Variants in PPARD observed in about 807,000 individuals in gnomAD.
The protein encoded by PPARD is peroxisome proliferator activated receptor delta.
In PPARD, 6 loss-of-function variants were observed where a neutral mutation model predicts 39.5. The ratio of observed to expected loss-of-function variants is 0.15; its 90% CI spans 0.08 to 0.30. PPARD has a LOEUF of 0.30. PPARD is among the 10% of genes least tolerant of loss of function. PPARD has a pLI of 1.00. For missense variants in PPARD, 397 were observed against 596.8 expected (o/e 0.67, Z 3.49); for synonymous variants, 210 against 231.3 (o/e 0.91, Z 0.83).
intron 2 of PPARD, among the ~76,000 whole-genome samples, chr6:35,394,365 C>G (rs1764189661): frequency 6.6e-6 from 1 of 152,230 alleles, no homozygotes; most frequent in Non-Finnish European, 1.5e-5. Context: ...TCTTCTTCAG[C>G]TTTTTCTACT....
intron 2 of PPARD, chr6:35,348,407 C>T (rs1315825407): frequency 8.1e-6 from 8 of 985,240 alleles, no homozygotes; most frequent in Non-Finnish European, 9.6e-6. Context: ...CTCTGGGTTC[C>T]CATTGCTGTT....
chr6:35,397,310 C>A (rs1361503179), intron 2 of PPARD, among the ~76,000 whole-genome samples: 2 of 152,000 alleles, frequency 1.3e-5, no homozygotes, highest in African/African-American at 2.4e-5. Context: ...CCAGTGCTGC[C>A]TCCCCATGGG....
chr6:35,413,630 C>A (rs1285951141), intron 3 of PPARD, among the ~76,000 whole-genome samples: 1 of 151,908 alleles, frequency 6.6e-6, no homozygotes, highest in Non-Finnish European at 1.5e-5. Context: ...ACTTGGTCCT[C>A]CCACCACCAG....
chr6:35,382,894 T>C (rs1435904845), intron 2 of PPARD, among the ~76,000 whole-genome samples: 1 of 152,216 alleles, frequency 6.6e-6, no homozygotes, highest in African/African-American at 2.4e-5. Context: ...TATGTGTTGT[T>C]GTTATTATCA....
intron 3 of PPARD, among the ~76,000 whole-genome samples, chr6:35,416,894 T>C (rs891382994): frequency 6.6e-6 from 1 of 152,186 alleles, no homozygotes; most frequent in African/African-American, 2.4e-5. Flanking sequence ...TTTTTTTCTA[T>C]TTTATTTTTT....
intron 2 of PPARD, among the ~76,000 whole-genome samples, chr6:35,379,527 C>T (rs182604405): frequency 3.7e-4 from 56 of 152,294 alleles, no homozygotes; most frequent in Middle Eastern, 3.4e-3. Context: ...GCTGAAGATA[C>T]GGAAATAGTA....
chr6:35,379,085 G>A (rs921691345), intron 2 of PPARD, among the ~76,000 whole-genome samples: 13 of 150,638 alleles, frequency 8.6e-5, no homozygotes, highest in Non-Finnish European at 1.9e-4. Context: ...TGGAGTAGGC[G>A]TCTTTTCTTT....
At chr6:35,403,565 C>T (rs956882327) in intron 2 of PPARD, among the ~76,000 whole-genome samples, 3 of 152,126 alleles carry the variant, frequency 2.0e-5, no homozygotes, top group Non-Finnish European at 4.4e-5. Flanking sequence ...ATCCAGCAAA[C>T]GTATGTTGAG....
intron 1 of PPARD, among the ~76,000 whole-genome samples, chr6:35,342,972 T>C (rs11571504): frequency 6.6e-6 from 1 of 151,744 alleles, no homozygotes; most frequent in Non-Finnish European, 1.5e-5. Context: ...ACCCTACTCT[T>C]TGCCCCCTCT....
intron 2 of PPARD, among the ~76,000 whole-genome samples, chr6:35,352,001 T>C (rs529604932): frequency 6.7e-6 from 1 of 149,942 alleles, no homozygotes; most frequent in South Asian, 2.1e-4. Flanking sequence ...CCCAAGTAGC[T>C]AAGACTACAT....
intron 2 of PPARD, among the ~76,000 whole-genome samples, chr6:35,377,852 T>G (rs1762901370): frequency 6.6e-6 from 1 of 150,460 alleles, no homozygotes; most frequent in African/African-American, 2.5e-5. Context: ...ACTCTGTGGG[T>G]CGCTGCTTGT....
intron 3 of PPARD, 81 bp from the exon 4 acceptor site, chr6:35,420,046 C>G: frequency 6.6e-7 from 1 of 1,513,582 alleles, no homozygotes; most frequent in Non-Finnish European, 8.9e-7. Flanking sequence ...GTGGCTGAGG[C>G]GAGGGCTGTG....
At chr6:35,385,029 A>G (rs1292758691) in intron 2 of PPARD, among the ~76,000 whole-genome samples, 128 of 117,328 alleles carry the variant, frequency 1.1e-3, no homozygotes, top group Middle Eastern at 4.7e-3. Flanking sequence ...TCAGCCCCCC[A>G]CCCGGCCAGC....
At chr6:35,418,496 C>T (rs1468425583) in intron 3 of PPARD, among the ~76,000 whole-genome samples, 1 of 152,226 alleles carries the variant, frequency 6.6e-6, no homozygotes, top group Non-Finnish European at 1.5e-5. Flanking sequence ...TGTCTGACCA[C>T]GCTGGTGCCC....
chr6:35,380,138 C>T (rs1763050688), intron 2 of PPARD, among the ~76,000 whole-genome samples: 1 of 152,078 alleles, frequency 6.6e-6, no homozygotes, highest in South Asian at 2.1e-4. Flanking sequence ...TGATCTGAAG[C>T]ATTTATGGAT....
rs533997210 is a variant in PPARD, at chr6:35,401,713, C to T, written c.-101-9274C>T. On this transcript the variant is annotated intron_variant, in intron 2 of 7. Coordinates refer to ENST00000360694, the MANE Select transcript of PPARD (RefSeq NM_006238.5). This position sits in a 1 kb window ranked among gnomAD's most constrained non-coding sequence, Gnocchi z 4.1. ...CACCTGACTCATGTGCTCTGAGTGC[C>T]ACACCTTGCTTGGCATTTGTCCTTC... 2.9e-4 allele frequency among the ~76,000 whole-genome samples: 44 copies of T among 152,320 alleles called. No individual in the cohort carries two copies. Among genetic ancestry groups the T allele is most frequent in the Admixed American group, 1.0e-3 (16 of 15,298 alleles).
intron 2 of PPARD, among the ~76,000 whole-genome samples, chr6:35,349,687 GT>G (rs111494920): frequency 1.3e-5 from 2 of 149,986 alleles, no homozygotes; most frequent in East Asian, 2.0e-4. Flanking sequence ...GTTTGTTTTT[GT>G]TTTTTTTTAA....
chr6:35,412,977 A>G lies in PPARD; in HGVS notation c.130+1760A>G, dbSNP rs976064411. ...GGACTAAGAATGAGTGTGGGATGTC[A>G]TGAGGATTCAGGGGAGAATGCAAGG... is the stretch of plus-strand genomic sequence containing the variant. On this transcript the variant is annotated intron_variant, in intron 3 of 7. Transcript: ENST00000360694. This position sits in a 1 kb window ranked among gnomAD's most constrained non-coding sequence, Gnocchi z 4.1. Among the ~76,000 whole-genome samples the G allele has an allele frequency of 6.6e-6, 1 of 152,212 alleles. No homozygotes were observed. Among genetic ancestry groups the G allele is most frequent in the African/African-American group, 2.4e-5 (1 of 41,454 alleles).
In PPARD at chr6:35,394,339, A is replaced by G. The variant is rs139276511; in HGVS notation, c.-101-16648A>G. ...GGGCATCTGCAGAGAATTCCATGACATGGATCTTGAGGTAGTCTTCTTCAG... is the reference window on the plus strand; with the variant it reads ...GGGCATCTGCAGAGAATTCCATGACGTGGATCTTGAGGTAGTCTTCTTCAG... On this transcript the variant is annotated intron_variant, in intron 2 of 7. Coordinates refer to ENST00000360694, the MANE Select transcript of PPARD (RefSeq NM_006238.5). Among the ~76,000 whole-genome samples the G allele has an allele frequency of 7.3e-3, 1,117 of 152,366 alleles. 7 individuals are homozygous for G. Among genetic ancestry groups the G allele is most frequent in the Middle Eastern group, 0.017 (5 of 294 alleles).
Sources: allele counts gnomAD v4.1 joint callset (sites outside exome capture counted in the v4.1 genomes callset), GRCh38; gene constraint gnomAD v4.1.1; non-coding constraint Gnocchi (gnomAD v3.1); transcripts MANE v1.5; gene names NCBI Gene and HGNC (gene_info 2026-07-23, HGNC 2026-07-21).